Variants in THSD7A observed in about 807,000 individuals in gnomAD.
THSD7A encodes thrombospondin type-1 domain-containing protein 7A.
In THSD7A, 96 loss-of-function variants were observed where a neutral mutation model predicts 231.3. The ratio of observed to expected loss-of-function variants is 0.41; its 90% CI spans 0.35 to 0.49. The LOEUF (loss-of-function observed/expected upper bound fraction) is 0.49, where lower values mean the gene tolerates loss of function less well. THSD7A is among the 20% of genes least tolerant of loss of function. The pLI, the probability that THSD7A is intolerant of heterozygous loss-of-function variation, is 0.05. For missense variants in THSD7A, 2,290 were observed against 2,070.2 expected (o/e 1.11, Z -2.06); for synonymous variants, 940 against 743.3 (o/e 1.26, Z -4.30).
chr7:11,788,466 C>T (rs1783855857), intron 1 of THSD7A, among the ~76,000 whole-genome samples: 1 of 152,004 alleles, frequency 6.6e-6, no homozygotes, highest in South Asian at 2.1e-4. Context: ...TTCCTGAGAG[C>T]CTCTTGTTAT....
At chr7:11,628,790 T>C (rs1043183069) in intron 2 of THSD7A, among the ~76,000 whole-genome samples, 7 of 152,176 alleles carry the variant, frequency 4.6e-5, no homozygotes, top group African/African-American at 1.4e-4. Context: ...AACAATGACA[T>C]AGAAGCAGTT....
At chr7:11,461,658 A>C (rs1001142370) in intron 10 of THSD7A, among the ~76,000 whole-genome samples, 2 of 152,180 alleles carry the variant, frequency 1.3e-5, no homozygotes, top group Non-Finnish European at 1.5e-5. Flanking sequence ...AGTAATGCTT[A>C]GGCTAGTCTT....
chr7:11,809,150 C>T (rs1487206979), intron 1 of THSD7A, among the ~76,000 whole-genome samples: 1 of 152,042 alleles, frequency 6.6e-6, no homozygotes, highest in Non-Finnish European at 1.5e-5. Flanking sequence ...CAGCTTTTGC[C>T]TCAAGAAGTC....
At chr7:11,394,461 T>G (rs1583662080) in intron 23 of THSD7A, among the ~76,000 whole-genome samples, 1 of 152,058 alleles carries the variant, frequency 6.6e-6, no homozygotes, top group Admixed American at 6.6e-5. Flanking sequence ...TTCGGAAAGG[T>G]GCGAAGGCTC....
chr7:11,771,083 TA>T (rs1783213481), intron 1 of THSD7A, among the ~76,000 whole-genome samples: 1 of 151,016 alleles, frequency 6.6e-6, no homozygotes, highest in Non-Finnish European at 1.5e-5. Flanking sequence ...TTTTTCAACT[TA>T]GAAAAATATA....
chr7:11,830,083 C>A (rs1271231887), intron 1 of THSD7A, among the ~76,000 whole-genome samples: 1 of 152,166 alleles, frequency 6.6e-6, no homozygotes, highest in Non-Finnish European at 1.5e-5. Flanking sequence ...CTACAGCTAG[C>A]AAGAGCTAGG....
intron 2 of THSD7A, among the ~76,000 whole-genome samples, chr7:11,603,853 G>A (rs1780639336): frequency 7.2e-6 from 1 of 138,500 alleles, no homozygotes. Context: ...ACAGGAAGGG[G>A]AATATCACAC....
intron 2 of THSD7A, among the ~76,000 whole-genome samples, chr7:11,601,698 CCTT>C (rs934432270): frequency 9.2e-5 from 14 of 152,222 alleles, no homozygotes; most frequent in African/African-American, 3.4e-4. Context: ...TGTTCTGTGT[CCTT>C]CTAAGCAGAC....
At chr7:11,485,835 G>A (rs764894564) in intron 6 of THSD7A, among the ~76,000 whole-genome samples, 10 of 152,322 alleles carry the variant, frequency 6.6e-5, no homozygotes, top group Middle Eastern at 3.4e-3. Context: ...ACAAAGACAT[G>A]CATTGTTGAT....
intron 1 of THSD7A, among the ~76,000 whole-genome samples, chr7:11,752,224 C>G (rs186625742): frequency 1.3e-5 from 2 of 152,032 alleles, no homozygotes; most frequent in East Asian, 3.9e-4. Flanking sequence ...TCACACATTC[C>G]GTTCCTTGCC....
In THSD7A at chr7:11,372,447, T is replaced by C. The variant is rs1782092633; in HGVS notation, c.*3347A>G. On this transcript the variant is annotated 3_prime_UTR_variant, in exon 28 of 28. Coordinates refer to ENST00000423059, the MANE Select transcript of THSD7A (RefSeq NM_015204.3). ...ATAAGTAATTAAAAACAAGCTTTTA[T>C]GCACTCTTTTTAAATTCACTTAAGC... 1.3e-5 allele frequency: 2 copies of C among 152,028 alleles called. No individual in the cohort carries two copies. The highest frequency in any genetic ancestry group is 6.6e-5 in the Admixed American group (1 of 15,224). The allele number at this position is 152,028 out of a possible 1,614,324, so 9.4% of individuals were successfully genotyped here. A position where few individuals can be genotyped will look rare whatever the true frequency, so the allele number is the denominator to read the frequency against.
intron 6 of THSD7A, among the ~76,000 whole-genome samples, chr7:11,507,139 C>T (rs2128312116): frequency 6.6e-6 from 1 of 152,102 alleles, no homozygotes; most frequent in East Asian, 1.9e-4. Flanking sequence ...TACTATGGAC[C>T]TTGAAGCAAG....
chr7:11,787,798 G>C (rs910560215), intron 1 of THSD7A, among the ~76,000 whole-genome samples: 5 of 152,008 alleles, frequency 3.3e-5, no homozygotes, highest in African/African-American at 1.2e-4. Flanking sequence ...TCCTTTGCTG[G>C]TGGGAATGCA....
At chr7:11,515,687 G>A (rs993958617) in intron 6 of THSD7A, among the ~76,000 whole-genome samples, 1 of 152,172 alleles carries the variant, frequency 6.6e-6, no homozygotes. Flanking sequence ...TTGTGATGGG[G>A]AGAAAAGACA....
At chr7:11,549,792 T>C (rs533287613) in intron 4 of THSD7A, among the ~76,000 whole-genome samples, 1 of 151,814 alleles carries the variant, frequency 6.6e-6, no homozygotes, top group Admixed American at 6.6e-5. Context: ...GGGGGGAGCA[T>C]CAGGAAAAAT....
chr7:11,577,328 A>T (rs560224472), intron 4 of THSD7A, among the ~76,000 whole-genome samples: 1 of 152,006 alleles, frequency 6.6e-6, no homozygotes, highest in East Asian at 1.9e-4. Context: ...TTTACTTTTT[A>T]TTTTTTTGAG....
Position 11,406,951 on chromosome 7 carries a change from A to T in THSD7A, c.4021T>A (p.Tyr1341Asn), listed in dbSNP as rs750035410. 6.2e-7 allele frequency: 1 copy of T among 1,613,856 alleles called. No homozygotes were observed. ...QSKPCPVKPC[Y>N]RWQYGQWSPC... is the part of the protein sequence containing the mutation. ...GACCACTGGCCATATTGCCACCGAT[A>T]ACAAGGCTTCACTGGGCAGGGTTTG... is the stretch of plus-strand genomic sequence containing the variant. Residue 1341 changes from tyrosine (Y) to asparagine (N), a missense_variant, in exon 21 of 28, where the codon TAT becomes AAT. By Grantham distance (143) the Tyr-to-Asn change is moderately radical (BLOSUM62 -2). Coordinates refer to ENST00000423059, the MANE Select transcript of THSD7A (RefSeq NM_015204.3). The surrounding 1 kb of genome is among the most constrained non-coding windows in gnomAD (Gnocchi z 4.7).
intron 13 of THSD7A, among the ~76,000 whole-genome samples, chr7:11,442,344 G>A (rs538997254): frequency 2.6e-5 from 4 of 151,966 alleles, no homozygotes; most frequent in African/African-American, 9.6e-5. Context: ...TAATTAAGCT[G>A]GTAAAAGTCA....
intron 1 of THSD7A, among the ~76,000 whole-genome samples, chr7:11,760,152 CA>C (rs1360463986): frequency 2.0e-5 from 3 of 151,920 alleles, no homozygotes; most frequent in African/African-American, 7.3e-5. Context: ...ATAAAATGCC[CA>C]TTGTATCCAC....
Sources: gnomAD v4.1 joint callset for allele counts (sites outside exome capture counted in the v4.1 genomes callset) on GRCh38, gnomAD v4.1.1 for gene constraint, Gnocchi (gnomAD v3.1) non-coding constraint, MANE v1.5 for transcripts, NCBI Gene and HGNC (gene_info 2026-07-23, HGNC 2026-07-21) for gene names.